Variants in CCM2 observed in about 807,000 individuals in gnomAD.
CCM2 encodes CCM2 scaffold protein.
In CCM2, 25 loss-of-function variants were observed where a neutral mutation model predicts 44.9. The ratio of observed to expected loss-of-function variants is 0.56; its 90% CI spans 0.41 to 0.78. The LOEUF is 0.78. Among genes scored for constraint, CCM2 ranks in the 30% least tolerant of loss-of-function variants. The pLI is 0.00. For missense variants in CCM2, 481 were observed against 580.6 expected (o/e 0.83, Z 1.76); for synonymous variants, 219 against 241.1 (o/e 0.91, Z 0.85).
intron 2 of CCM2, among the ~76,000 whole-genome samples, chr7:45,047,376 T>G (rs920162218): frequency 1.3e-5 from 2 of 152,220 alleles, no homozygotes; most frequent in Admixed American, 6.5e-5. Flanking sequence ...AGAAGACTAT[T>G]CAATAATACA....
chr7:45,033,044 CAAAAAA>C (rs60956411), intron 1 of CCM2, among the ~76,000 whole-genome samples: 38 of 58,084 alleles, frequency 6.5e-4, no homozygotes, highest in African/African-American at 2.1e-3. Flanking sequence ...AACTCCGTCT[CAAAAAA>C]AAAAAAAAAA....
At chr7:45,070,164 AC>A in intron 6 of CCM2, 1 of 642,610 alleles carries the variant, frequency 1.6e-6, no homozygotes, top group Non-Finnish European at 2.7e-6. Context: ...AGAGAGTTGC[AC>A]CAGGTCAGCG....
At chr7:45,074,971 G>A (rs1199674794) in intron 9 of CCM2, among the ~76,000 whole-genome samples, 4 of 152,196 alleles carry the variant, frequency 2.6e-5, no homozygotes, top group Admixed American at 6.5e-5. Flanking sequence ...GCAAGTTTGC[G>A]GTAATGTGTT....
intron 1 of CCM2, among the ~76,000 whole-genome samples, chr7:45,033,995 C>T (rs945711185): frequency 9.9e-5 from 15 of 152,186 alleles, no homozygotes; most frequent in East Asian, 3.8e-4. Flanking sequence ...GACCATTTCT[C>T]ACCATTCTCC....
At chr7:45,074,114 G>T (rs1026228789) in intron 8 of CCM2, 156 bp from the exon 9 acceptor site, 2 of 1,483,182 alleles carry the variant, frequency 1.3e-6, no homozygotes, top group African/African-American at 1.4e-5. Flanking sequence ...GTAGGATGGG[G>T]ACACATTGTG....
At chr7:45,056,581 T>G (rs1798274575) in intron 2 of CCM2, among the ~76,000 whole-genome samples, 1 of 152,294 alleles carries the variant, frequency 6.6e-6, no homozygotes, top group Non-Finnish European at 1.5e-5. Flanking sequence ...TAACTATTGA[T>G]GTTGAAAATC....
At chr7:45,023,576 A>G (rs1583867486) in intron 1 of CCM2, among the ~76,000 whole-genome samples, 1 of 152,258 alleles carries the variant, frequency 6.6e-6, no homozygotes, top group South Asian at 2.1e-4. Flanking sequence ...AAAAACAACA[A>G]CAAAACACAA....
intron 1 of CCM2, among the ~76,000 whole-genome samples, chr7:45,005,179 C>A (rs1344241164): frequency 6.6e-6 from 1 of 152,086 alleles, no homozygotes; most frequent in Admixed American, 6.5e-5. Context: ...GGCTGGAGAA[C>A]CAGGCAGGAG....
intron 1 of CCM2, among the ~76,000 whole-genome samples, chr7:45,033,316 G>A (rs980264898): frequency 2.6e-5 from 4 of 152,132 alleles, no homozygotes; most frequent in African/African-American, 9.7e-5. Flanking sequence ...TTTATGACCT[G>A]TACATCAACA....
At chr7:45,044,338 G>A (rs1156502681) in intron 2 of CCM2, among the ~76,000 whole-genome samples, 2 of 152,050 alleles carry the variant, frequency 1.3e-5, no homozygotes, top group South Asian at 2.1e-4. Flanking sequence ...GGGTTTCACC[G>A]TGTTGGTCAG....
chr7:45,023,141 T>C (rs548848504), intron 1 of CCM2, among the ~76,000 whole-genome samples: 1 of 152,286 alleles, frequency 6.6e-6, no homozygotes, highest in Admixed American at 6.5e-5. Flanking sequence ...CCTTTCTAAG[T>C]CTCCAGTGTC....
intron 1 of CCM2, among the ~76,000 whole-genome samples, chr7:45,023,752 CTTTG>C (rs1796573153): frequency 1.6e-5 from 1 of 61,576 alleles, no homozygotes; most frequent in African/African-American, 6.4e-5. Flanking sequence ...TCGTGTGCAT[CTTTG>C]TTTAGTCATT....
chr7:45,011,656 A>G (rs559063524), intron 1 of CCM2, among the ~76,000 whole-genome samples: 17 of 151,944 alleles, frequency 1.1e-4, no homozygotes, highest in African/African-American at 2.2e-4. Flanking sequence ...GTTTCAATCA[A>G]TTCTCCTACC....
chr7:45,023,698 G>T (rs1796569621), intron 1 of CCM2, among the ~76,000 whole-genome samples: 2 of 149,972 alleles, frequency 1.3e-5, no homozygotes, highest in African/African-American at 4.9e-5. Flanking sequence ...TTTTATTATG[G>T]TAGGCAGTGA....
chr7:45,062,023 C>T (rs781563808), intron 2 of CCM2, among the ~76,000 whole-genome samples: 4 of 152,150 alleles, frequency 2.6e-5, no homozygotes, highest in Non-Finnish European at 4.4e-5. Flanking sequence ...GTTTCTGCCC[C>T]GCAATGAGCT....
intron 2 of CCM2, among the ~76,000 whole-genome samples, chr7:45,056,466 G>A (rs1271382011): frequency 6.6e-6 from 1 of 152,124 alleles, no homozygotes; most frequent in African/African-American, 2.4e-5. Flanking sequence ...ACCAGCCTAG[G>A]CAACATAGTG....
chr7:45,038,500 T>C (rs1583902582), intron 2 of CCM2, 74 bp downstream of exon 2: 2 of 1,502,420 alleles, frequency 1.3e-6, no homozygotes, highest in East Asian at 4.5e-5. Context: ...CCAGACACTC[T>C]TGAGTTTATA....
chr7:45,068,536 C>T lies in CCM2; in HGVS notation c.566C>T (p.Pro189Leu), dbSNP rs1288819770. ...TCCCTGTCGGAGAGTGCAGTTGGGC[C>T]CGTGGAGGCATGCTGCCTGGTCATC... ...AGSLSESAVG[P>L]VEACCLVILA... Residue 189 changes from proline to leucine, a missense_variant, in exon 5 of 10, where the codon CCC (proline) becomes CTC (leucine). Transcript: ENST00000258781. 6.2e-7 allele frequency: 1 copy of T among 1,614,150 alleles called. No individual in the cohort carries two copies. Among genetic ancestry groups the T allele is most frequent in the Admixed American group, 1.7e-5 (1 of 60,022 alleles).
In CCM2 at chr7:45,061,460, T is replaced by C. The variant is rs60904111; in HGVS notation, c.205-2458T>C. ...TGCCTTTTTCTTTCTTTCTTTCTTT[T>C]TTTTTTTTTTTTTTTGAGATGACCT... is the stretch of plus-strand genomic sequence containing the variant. On this transcript the variant is annotated intron_variant, in intron 2 of 9. Coordinates refer to ENST00000258781, the MANE Select transcript of CCM2 (RefSeq NM_031443.4). Among the ~76,000 whole-genome samples the C allele has an allele frequency of 7.7e-3, 1,114 of 143,828 alleles. 24 individuals carry two copies. In the East Asian group the frequency reaches 0.11, roughly 14 times the overall value. The allele number at this position is 143,828 out of a possible 152,430, so 94.4% of individuals were successfully genotyped here.
Sources: allele counts gnomAD v4.1 joint callset (sites outside exome capture counted in the v4.1 genomes callset), GRCh38; gene constraint gnomAD v4.1.1; transcripts MANE v1.5; gene names NCBI Gene and HGNC (gene_info 2026-07-23, HGNC 2026-07-21).